NELL2: variants seen among roughly 807,000 people sequenced by gnomAD.
The protein encoded by NELL2 is neural EGFL like 2, also known as protein kinase C-binding protein NELL2.
A neutral mutation model predicts 109.6 loss-of-function variants in NELL2; 41 were observed. The observed-to-expected ratio is 0.37, with a 90% confidence interval of 0.29 to 0.49. The LOEUF (loss-of-function observed/expected upper bound fraction) is 0.49, where lower values mean the gene tolerates loss of function less well. Among genes scored for constraint, NELL2 ranks in the 20% least tolerant of loss-of-function variants. The pLI, the probability that NELL2 is intolerant of heterozygous loss-of-function variation, is 0.98. For synonymous variants in NELL2, 355 were observed against 344.7 expected (o/e 1.03, Z -0.33); for missense variants, 900 against 1,008.3 (o/e 0.89, Z 1.45).
At chr12:44,855,489 T>A (rs1944657885) in intron 2 of NELL2, among the ~76,000 whole-genome samples, 1 of 152,346 alleles carries the variant, frequency 6.6e-6, no homozygotes, top group Admixed American at 6.5e-5. Context: ...TATTTTATTG[T>A]ACGGGCTAAA....
intron 19 of NELL2, among the ~76,000 whole-genome samples, chr12:44,514,811 A>G (rs1430920812): frequency 6.6e-6 from 1 of 151,452 alleles, no homozygotes; most frequent in African/African-American, 2.4e-5. Context: ...TGTAGGATTT[A>G]TAGTGAACAG....
At chr12:44,794,361 C>G (rs752856731) in intron 3 of NELL2, among the ~76,000 whole-genome samples, 5 of 152,148 alleles carry the variant, frequency 3.3e-5, no homozygotes, top group Non-Finnish European at 5.9e-5. Flanking sequence ...GGGCTCATGT[C>G]TTCCCTCTGT....
At chr12:44,878,333 G>T (rs1003540560), upstream of NELL2, among the ~76,000 whole-genome samples, 1 of 152,174 alleles carries the variant, frequency 6.6e-6, no homozygotes, top group Non-Finnish European at 1.5e-5. Flanking sequence ...TAAAATATGA[G>T]TATGGGGAGG....
chr12:44,790,625 C>A (rs1942347578), intron 3 of NELL2, among the ~76,000 whole-genome samples: 1 of 151,340 alleles, frequency 6.6e-6, no homozygotes, highest in Non-Finnish European at 1.5e-5. Context: ...AGTACACACG[C>A]AACAAAGAAC....
chr12:44,658,149 C>T (rs1947582548), intron 13 of NELL2, among the ~76,000 whole-genome samples: 1 of 152,192 alleles, frequency 6.6e-6, no homozygotes, highest in Non-Finnish European at 1.5e-5. Flanking sequence ...CTGTTGTTTC[C>T]TGACTTTTTA....
At chr12:44,624,783 TTCTC>T (rs66536604) in intron 13 of NELL2, among the ~76,000 whole-genome samples, 17,760 of 151,840 alleles carry the variant, frequency 0.12, 1,220 homozygotes, top group East Asian at 0.2. Context: ...ATGCTCCTGC[TTCTC>T]TGTCTTCTAA....
chr12:44,771,572 T>G (rs1941552433), intron 9 of NELL2, among the ~76,000 whole-genome samples: 1 of 152,208 alleles, frequency 6.6e-6, no homozygotes. Context: ...TACTATGGCT[T>G]TAACGATTTG....
At chr12:44,874,043 T>G (rs1665492455) in intron 2 of NELL2, among the ~76,000 whole-genome samples, 1 of 152,194 alleles carries the variant, frequency 6.6e-6, no homozygotes, top group South Asian at 2.1e-4. Flanking sequence ...CACATGTGAA[T>G]TTCCTCCTTT....
chr12:44,870,424 G>C (rs1945129052), intron 2 of NELL2, among the ~76,000 whole-genome samples: 2 of 152,084 alleles, frequency 1.3e-5, no homozygotes, highest in South Asian at 4.1e-4. Context: ...CTTCCATGCA[G>C]GAAAATTTGT....
At chr12:44,672,177 T>C (rs186157018) in intron 12 of NELL2, among the ~76,000 whole-genome samples, 3 of 152,222 alleles carry the variant, frequency 2.0e-5, no homozygotes, top group Admixed American at 2.0e-4. Flanking sequence ...CAAAATAATA[T>C]CCCATAGAAC....
intron 12 of NELL2, among the ~76,000 whole-genome samples, chr12:44,677,869 A>G (rs1948369753): frequency 6.6e-6 from 1 of 151,740 alleles, no homozygotes; most frequent in African/African-American, 2.4e-5. Flanking sequence ...GCTACAGAGA[A>G]GCATAGTTTT....
chr12:44,610,527 A>G (rs1335300924), intron 14 of NELL2, among the ~76,000 whole-genome samples: 3 of 152,186 alleles, frequency 2.0e-5, no homozygotes, highest in African/African-American at 2.4e-5. Flanking sequence ...AAGACTTCCA[A>G]GATGGAGCAG....
chr12:44,825,480 C>T, intron 2 of NELL2, among the ~76,000 whole-genome samples: 1 of 136,932 alleles, frequency 7.3e-6, no homozygotes, highest in Admixed American at 8.0e-5. Context: ...ACTGCAACCT[C>T]TGCTTCCCAG....
intron 12 of NELL2, 42 bp downstream of exon 12, chr12:44,703,684 G>T: frequency 1.2e-6 from 2 of 1,607,636 alleles, no homozygotes; most frequent in Non-Finnish European, 1.7e-6. Flanking sequence ...AGTAATCCTA[G>T]AAAATTTATA....
upstream of NELL2, among the ~76,000 whole-genome samples, chr12:44,916,551 A>G (rs1055842422): frequency 1.3e-5 from 2 of 152,146 alleles, no homozygotes; most frequent in African/African-American, 4.8e-5. Flanking sequence ...TTTCCTTTCT[A>G]ATAAAATCTC....
chr12:44,743,234 C>T (rs1365978818), intron 9 of NELL2, among the ~76,000 whole-genome samples: 1 of 152,074 alleles, frequency 6.6e-6, no homozygotes, highest in East Asian at 1.9e-4. Context: ...TAAAATACTT[C>T]AAAGACAAGC....
intron 13 of NELL2, among the ~76,000 whole-genome samples, chr12:44,649,433 C>T (rs538879338): frequency 5.3e-5 from 8 of 152,312 alleles, no homozygotes; most frequent in Middle Eastern, 3.4e-3. Flanking sequence ...TAAATTAATA[C>T]AACTATAAGC....
intron 9 of NELL2, among the ~76,000 whole-genome samples, chr12:44,758,659 C>T (rs2136543329): frequency 6.6e-6 from 1 of 152,178 alleles, no homozygotes; most frequent in African/African-American, 2.4e-5. Flanking sequence ...GACAGATGAA[C>T]CTTGCCCTGT....
chr12:44,747,346 G>C (rs1471430371), intron 9 of NELL2, among the ~76,000 whole-genome samples: 3 of 151,988 alleles, frequency 2.0e-5, no homozygotes, highest in Admixed American at 2.0e-4. Context: ...TATACCTAAT[G>C]TTAAATGACG....
Sources: gnomAD v4.1 joint callset for allele counts (sites outside exome capture counted in the v4.1 genomes callset) on GRCh38, gnomAD v4.1.1 for gene constraint, MANE v1.5 for transcripts, NCBI Gene and HGNC (gene_info 2026-07-23, HGNC 2026-07-21) for gene names.